Variants in ACTN2 observed in about 807,000 individuals in gnomAD.
ACTN2 encodes the protein actinin alpha 2, also known as alpha-actinin-2.
Under a neutral mutation model 113.8 loss-of-function variants are expected in ACTN2, and 39 were observed. That is an observed-to-expected ratio of 0.34 (90% CI 0.27 to 0.45). The LOEUF is 0.45. Among genes scored for constraint, ACTN2 ranks in the 20% least tolerant of loss-of-function variants. The pLI is 1.00. For synonymous variants in ACTN2, 429 were observed against 444.1 expected (o/e 0.97, Z 0.43); for missense variants, 992 against 1,177.9 (o/e 0.84, Z 2.31).
chr1:236,702,822 G>T (rs1657716096), intron 1 of ACTN2, among the ~76,000 whole-genome samples: 1 of 152,196 alleles, frequency 6.6e-6, no homozygotes, highest in Non-Finnish European at 1.5e-5. Flanking sequence ...TTGTTCTCTG[G>T]TCTGGGACAG....
intron 7 of ACTN2, among the ~76,000 whole-genome samples, chr1:236,733,510 G>A (rs771852884): frequency 7.0e-4 from 107 of 151,960 alleles, no homozygotes; most frequent in Middle Eastern, 3.2e-3. Flanking sequence ...ACTTTTCTTC[G>A]TCTTTCCCTT....
intron 1 of ACTN2, among the ~76,000 whole-genome samples, chr1:236,694,937 G>A (rs1248301858): frequency 6.6e-6 from 1 of 152,066 alleles, no homozygotes; most frequent in East Asian, 1.9e-4. Context: ...ATGGTGGCGT[G>A]TGCTTGTAGT....
intron 1 of ACTN2, among the ~76,000 whole-genome samples, chr1:236,709,241 T>C (rs1253863528): frequency 3.4e-5 from 3 of 87,190 alleles, no homozygotes; most frequent in South Asian, 3.5e-4. Flanking sequence ...TATATATATA[T>C]ATATATATAT....
chr1:236,751,792 C>A, intron 15 of ACTN2, 140 bp downstream of exon 15: 1 of 1,014,084 alleles, frequency 9.9e-7, no homozygotes, highest in Non-Finnish European at 1.5e-6. Context: ...CCAAATTTCA[C>A]AGGCAAAACG....
At chr1:236,709,455 C>T (rs1177897162) in intron 1 of ACTN2, among the ~76,000 whole-genome samples, 2 of 149,920 alleles carry the variant, frequency 1.3e-5, no homozygotes, top group Admixed American at 6.7e-5. Flanking sequence ...AAATACAATT[C>T]GAGTTCTGAG....
chr1:236,707,709 C>CTTTTTTTT (rs5781919), intron 1 of ACTN2, among the ~76,000 whole-genome samples: 168 of 78,640 alleles, frequency 2.1e-3, no homozygotes, highest in Non-Finnish European at 2.6e-3. Flanking sequence ...TCTTTTTTTT[C>CTTTTTTTT]TTTTTTTTTT....
chr1:236,740,847 A>G (rs1458775398), intron 10 of ACTN2, among the ~76,000 whole-genome samples: 1 of 151,780 alleles, frequency 6.6e-6, no homozygotes, highest in Non-Finnish European at 1.5e-5. Context: ...CCAGCTGCCC[A>G]TTTCCCCATT....
At chr1:236,759,468 T>C (rs1267369066) in intron 18 of ACTN2, among the ~76,000 whole-genome samples, 1 of 152,212 alleles carries the variant, frequency 6.6e-6, no homozygotes, top group African/African-American at 2.4e-5. Flanking sequence ...CTAGTTCCTT[T>C]TGCTGTTTTC....
rs1323967177 is a variant in ACTN2, at chr1:236,748,053, C to T, written c.1515+278C>T. On this transcript the variant is annotated intron_variant, in intron 13 of 20. Coordinates refer to ENST00000366578, the MANE Select transcript of ACTN2 (RefSeq NM_001103.4). ...AAATCTACTTTGTATCTGGTAGTAA[C>T]AGTACGTTTCCAAAAGTCCTTCTAC... is the stretch of plus-strand genomic sequence containing the variant. 1.0e-5 allele frequency: 4 copies of T among 386,008 alleles called. No homozygotes were observed. In the Admixed American group the frequency reaches 1.6e-4, roughly 15 times the overall value. 23.9% of individuals were successfully genotyped at this position (386,008 alleles called of 1,614,324 possible). A position where few individuals can be genotyped will look rare whatever the true frequency, so the allele number is the denominator to read the frequency against.
intron 1 of ACTN2, among the ~76,000 whole-genome samples, chr1:236,708,911 G>A (rs1657915212): frequency 6.6e-6 from 1 of 151,948 alleles, no homozygotes; most frequent in African/African-American, 2.4e-5. Flanking sequence ...TGATTTTTAC[G>A]ACATATGCAG....
Position 236,757,542 on chromosome 1 carries a change from G to A in ACTN2, c.2211G>A (p.Glu737=), listed in dbSNP as rs200553726. ...CAACCATCGCCAGAACCATCAATGA[G>A]GTGGAGACTCAGATCCTGACGAGAG... is the stretch of plus-strand genomic sequence containing the variant. The part of the protein sequence containing the change: ...LLTTIARTIN[E]VETQILTRDA... Residue 737 remains glutamate (E), a synonymous_variant, in exon 18 of 21, where the codon GAG becomes GAA. Transcript: ENST00000366578. 9.9e-6 allele frequency: 16 copies of A among 1,614,132 alleles called. No individual in the cohort carries two copies. The East Asian group carries it at 3.6e-4, about 36-fold the overall frequency.
chr1:236,757,534 A>G lies in ACTN2; in HGVS notation c.2203A>G (p.Ile735Val). Residue 735 changes from isoleucine (I) to valine (V), a missense_variant, in exon 18 of 21, where the codon ATC (isoleucine) becomes GTC (valine). Physicochemically the swap from Ile to Val is conservative, Grantham distance 29. Transcript: ENST00000366578. ...GCTGCTGACAACCATCGCCAGAACC[A>G]TCAATGAGGTGGAGACTCAGATCCT... ...ELLLTTIART[I>V]NEVETQILTR... 6.2e-7 allele frequency: 1 copy of G among 1,614,188 alleles called. No individual in the cohort carries two copies. Among genetic ancestry groups the G allele is most frequent in the Non-Finnish European group, 8.5e-7 (1 of 1,180,038 alleles).
At chr1:236,731,721 T>C (rs547533804) in intron 7 of ACTN2, among the ~76,000 whole-genome samples, 10 of 152,330 alleles carry the variant, frequency 6.6e-5, no homozygotes, top group African/African-American at 2.2e-4. Flanking sequence ...AGAAAAAAAT[T>C]CCTTCCTTCC....
intron 14 of ACTN2, 95 bp downstream of exon 14, chr1:236,749,359 T>TA: frequency 6.5e-7 from 1 of 1,539,756 alleles, no homozygotes; most frequent in African/African-American, 1.4e-5. Flanking sequence ...TTTTCTTGCT[T>TA]TAAAAAAAAA....
intron 14 of ACTN2, 106 bp downstream of exon 14, chr1:236,749,370 T>A: frequency 6.8e-7 from 1 of 1,462,838 alleles, no homozygotes; most frequent in Non-Finnish European, 9.4e-7. Flanking sequence ...TAAAAAAAAA[T>A]TAACAAATGT....
intron 1 of ACTN2, among the ~76,000 whole-genome samples, chr1:236,691,090 G>T (rs1666066517): frequency 1.3e-5 from 2 of 151,632 alleles, no homozygotes; most frequent in African/African-American, 4.8e-5. Flanking sequence ...GTGCTGGGTA[G>T]CTAGGATTAC....
chr1:236,727,212 G>T (rs1658578571), intron 5 of ACTN2, among the ~76,000 whole-genome samples: 1 of 152,090 alleles, frequency 6.6e-6, no homozygotes, highest in Non-Finnish European at 1.5e-5. Context: ...AAAGACAGAG[G>T]AGTATCTGGG....
chr1:236,747,373 G>A (rs1221597452), intron 12 of ACTN2, among the ~76,000 whole-genome samples: 2 of 151,954 alleles, frequency 1.3e-5, no homozygotes, highest in Non-Finnish European at 2.9e-5. Context: ...GGTGGGGTGG[G>A]GCACAAGTGC....
intron 1 of ACTN2, among the ~76,000 whole-genome samples, chr1:236,688,380 T>C (rs1306494342): frequency 6.6e-6 from 1 of 152,092 alleles, no homozygotes; most frequent in Non-Finnish European, 1.5e-5. Flanking sequence ...TGTTGCCTTT[T>C]TTTTTTTTAA....
Sources: allele counts gnomAD v4.1 joint callset (sites outside exome capture counted in the v4.1 genomes callset), GRCh38; gene constraint gnomAD v4.1.1; transcripts MANE v1.5; gene names NCBI Gene and HGNC (gene_info 2026-07-23, HGNC 2026-07-21).